TENM4: variants seen among roughly 807,000 people sequenced by gnomAD.
The protein encoded by TENM4 is teneurin transmembrane protein 4.
In TENM4, 82 loss-of-function variants were observed where a neutral mutation model predicts 243.3. The observed-to-expected ratio is 0.34, with a 90% confidence interval of 0.28 to 0.40. TENM4 has a LOEUF of 0.40. TENM4 is among the 10% of genes least tolerant of loss of function. The pLI is 1.00. For synonymous variants in TENM4, 1,412 were observed against 1,456.3 expected (o/e 0.97, Z 0.69); for missense variants, 3,138 against 3,673.3 (o/e 0.85, Z 3.77).
chr11:79,250,782 A>T (rs1311165291), intron 2 of TENM4, among the ~76,000 whole-genome samples: 1 of 152,244 alleles, frequency 6.6e-6, no homozygotes, highest in Non-Finnish European at 1.5e-5. Flanking sequence ...TTAGACAACA[A>T]CTTGCTAGGC....
intron 1 of TENM4, among the ~76,000 whole-genome samples, chr11:79,409,916 G>C (rs911949264): frequency 1.3e-5 from 2 of 152,058 alleles, no homozygotes; most frequent in African/African-American, 4.8e-5. Context: ...GCCCACAGTG[G>C]TAACCTAATC....
intron 1 of TENM4, among the ~76,000 whole-genome samples, chr11:79,300,265 C>T (rs1343806465): frequency 6.6e-6 from 1 of 152,238 alleles, no homozygotes; most frequent in African/African-American, 2.4e-5. Flanking sequence ...AATACTCACA[C>T]AGACATCCAC....
chr11:79,243,777 G>T (rs749947567), intron 2 of TENM4, among the ~76,000 whole-genome samples: 2 of 152,198 alleles, frequency 1.3e-5, no homozygotes. Context: ...TAACCAAGAC[G>T]CTGAGGCTCA....
At chr11:78,901,864 C>T (rs995138494) in intron 7 of TENM4, among the ~76,000 whole-genome samples, 4 of 152,108 alleles carry the variant, frequency 2.6e-5, no homozygotes, top group African/African-American at 9.7e-5. Flanking sequence ...GCTGCTTGGG[C>T]TGCATCTCTA....
At chr11:79,152,149 C>A (rs1862523672) in intron 3 of TENM4, among the ~76,000 whole-genome samples, 1 of 152,134 alleles carries the variant, frequency 6.6e-6, no homozygotes. Flanking sequence ...GTCCATTGAG[C>A]CTGAGGTTTC....
chr11:79,102,030 T>C (rs1861246021), intron 4 of TENM4, among the ~76,000 whole-genome samples: 1 of 152,200 alleles, frequency 6.6e-6, no homozygotes, highest in South Asian at 2.1e-4. Context: ...AAGTATGACC[T>C]TGGGAAATTT....
At chr11:79,033,046 A>T (rs1374683099) in intron 6 of TENM4, among the ~76,000 whole-genome samples, 1 of 152,112 alleles carries the variant, frequency 6.6e-6, no homozygotes, top group Non-Finnish European at 1.5e-5. Context: ...CTCCACCTGG[A>T]GACTGTTCCT....
intron 1 of TENM4, among the ~76,000 whole-genome samples, chr11:79,320,117 C>G (rs145483146): frequency 6.6e-6 from 1 of 152,308 alleles, no homozygotes; most frequent in Non-Finnish European, 1.5e-5. Flanking sequence ...GGTTCCCCTT[C>G]CTCTTCCCTT....
intron 2 of TENM4, among the ~76,000 whole-genome samples, chr11:79,289,184 A>C (rs990290649): frequency 6.6e-6 from 1 of 152,208 alleles, no homozygotes; most frequent in African/African-American, 2.4e-5. Context: ...GATGATTGAT[A>C]ATGTTTATCC....
At chr11:79,294,094 T>TGA (rs1352324396) in intron 2 of TENM4, among the ~76,000 whole-genome samples, 2 of 152,208 alleles carry the variant, frequency 1.3e-5, no homozygotes, top group African/African-American at 4.8e-5. Flanking sequence ...GTCCTGTCTT[T>TGA]AATGCATGGC....
intron 6 of TENM4, among the ~76,000 whole-genome samples, chr11:78,987,877 T>C (rs1038608671): frequency 2.0e-5 from 3 of 152,160 alleles, no homozygotes; most frequent in South Asian, 2.1e-4. Flanking sequence ...GGTTACGTTT[T>C]TTCCCCCAGG....
At position 79,138,331 on chromosome 11, in the gene TENM4, T is replaced by A. The variant is rs200011270; in HGVS notation, c.-66+10379A>T. ...CCCCTTTATATATATATATATATAT[T>A]ATATATATAATATATAAAAATATAT... On this transcript the variant is annotated intron_variant, in intron 4 of 33. Transcript: ENST00000278550. 2.0e-3 allele frequency among the ~76,000 whole-genome samples: 150 copies of A among 75,996 alleles called. 2 individuals are homozygous for A. Among genetic ancestry groups the A allele is most frequent in the South Asian group, 7.3e-3 (19 of 2,594 alleles). 49.9% of individuals were successfully genotyped at this position (75,996 alleles called of 152,430 possible).
chr11:79,142,170 T>C (rs1233311409), intron 4 of TENM4, among the ~76,000 whole-genome samples: 1 of 152,040 alleles, frequency 6.6e-6, no homozygotes, highest in Non-Finnish European at 1.5e-5. Flanking sequence ...GCATCCAAAT[T>C]GGAAAGGAAG....
intron 3 of TENM4, among the ~76,000 whole-genome samples, chr11:79,197,758 T>TG (rs1267517240): frequency 2.0e-5 from 3 of 152,144 alleles, no homozygotes; most frequent in Non-Finnish European, 2.9e-5. Context: ...GGGGACGTGG[T>TG]GGGGGGAAAC....
intron 17 of TENM4, among the ~76,000 whole-genome samples, chr11:78,772,199 A>G (rs1856660108): frequency 6.6e-6 from 1 of 152,158 alleles, no homozygotes; most frequent in Admixed American, 6.5e-5. Context: ...ATACTATTAA[A>G]GTAGATTTGC....
intron 6 of TENM4, among the ~76,000 whole-genome samples, chr11:78,921,333 C>T (rs905434269): frequency 6.6e-6 from 1 of 152,186 alleles, no homozygotes; most frequent in Non-Finnish European, 1.5e-5. Context: ...GGGAGTGCCA[C>T]GGCACAGCAA....
intron 3 of TENM4, among the ~76,000 whole-genome samples, chr11:79,152,948 A>G (rs1026122598): frequency 6.6e-6 from 1 of 152,252 alleles, no homozygotes; most frequent in African/African-American, 2.4e-5. Flanking sequence ...TGAACAAAAC[A>G]TACCAAAGAC....
intron 1 of TENM4, among the ~76,000 whole-genome samples, chr11:79,343,132 AG>A (rs778747036): frequency 3.2e-4 from 49 of 152,188 alleles, no homozygotes; most frequent in Non-Finnish European, 6.8e-4. Context: ...CTTGGGCACA[AG>A]GGGATGGGAA....
intron 6 of TENM4, among the ~76,000 whole-genome samples, chr11:78,998,214 C>A (rs985781080): frequency 6.6e-6 from 1 of 152,230 alleles, no homozygotes; most frequent in African/African-American, 2.4e-5. Context: ...AGTAGAAAAG[C>A]ACTGAAAGAC....
Sources: gnomAD v4.1 joint callset for allele counts (sites outside exome capture counted in the v4.1 genomes callset) on GRCh38, gnomAD v4.1.1 for gene constraint, MANE v1.5 for transcripts, NCBI Gene and HGNC (gene_info 2026-07-23, HGNC 2026-07-21) for gene names.